Variants in MEI4 observed in about 807,000 individuals in gnomAD.
MEI4 encodes the protein meiotic double-stranded break formation protein 4, also known as meiosis-specific protein MEI4.
MEI4 carries 27 observed loss-of-function variants against 31.4 expected under a neutral mutation model. The observed-to-expected ratio is 0.86, with a 90% CI of 0.63 to 1.19. MEI4 has a LOEUF of 1.19. Ranked by LOEUF, MEI4 falls within the 50% of genes most tolerant of loss-of-function variation. The pLI is 0.00. For synonymous variants in MEI4, 122 were observed against 145.4 expected, an observed-to-expected ratio of 0.84 and a Z score of 1.16; for missense variants, 329 against 398.9, an observed-to-expected ratio of 0.82 and a Z score of 1.49.
At chr6:77,817,041 GTTGTTT>G (rs1769706089) in intron 3 of MEI4, among the ~76,000 whole-genome samples, 1 of 151,618 alleles carries the variant, frequency 6.6e-6, no homozygotes, top group South Asian at 2.1e-4. Flanking sequence ...GTGTGTGTGT[GTTGTTT>G]TTGTTTTTAC....
intron 2 of MEI4, among the ~76,000 whole-genome samples, chr6:77,698,176 A>G (rs1766106009): frequency 6.6e-6 from 1 of 152,014 alleles, no homozygotes; most frequent in Non-Finnish European, 1.5e-5. Context: ...ATGTGAGATG[A>G]GTTTCCTGAA....
chr6:77,889,424 A>T (rs1164199955), intron 4 of MEI4, among the ~76,000 whole-genome samples: 1 of 152,154 alleles, frequency 6.6e-6, no homozygotes, highest in African/African-American at 2.4e-5. Context: ...GACTGGCAGC[A>T]TTTTTCCCCT....
At chr6:77,773,574 C>T (rs562451775) in intron 3 of MEI4, among the ~76,000 whole-genome samples, 1 of 152,096 alleles carries the variant, frequency 6.6e-6, no homozygotes, top group African/African-American at 2.4e-5. Context: ...TATGAAGCAA[C>T]ATTGGGAAAA....
chr6:77,926,679 T>C lies in MEI4; in HGVS notation c.*3333T>C, dbSNP rs1010936085. On this transcript the variant is annotated 3_prime_UTR_variant, in exon 5 of 5. Coordinates refer to ENST00000684080, the MANE Select transcript of MEI4 (RefSeq NM_001322247.2). ...ACAGCTCTGCTTTATTGTAACCTAA[T>C]TTCATTTATTCATCAAATATGAAGC... 9 of 151,958 alleles carry C rather than the reference T, an allele frequency of 5.9e-5. No homozygotes were observed. Among genetic ancestry groups the C allele is most frequent in the African/African-American group, 2.2e-4 (9 of 41,420 alleles). 9.4% of individuals were successfully genotyped at this position (151,958 alleles called of 1,614,324 possible). A position where few individuals can be genotyped will look rare whatever the true frequency, so the allele number is the denominator to read the frequency against.
At chr6:77,870,982 A>G (rs1054361093) in intron 4 of MEI4, among the ~76,000 whole-genome samples, 7 of 152,194 alleles carry the variant, frequency 4.6e-5, no homozygotes, top group Admixed American at 3.3e-4. Context: ...TGTGAATTAT[A>G]TGTAAAGAAG....
At chr6:77,825,345 C>A (rs1376127839) in intron 3 of MEI4, among the ~76,000 whole-genome samples, 2 of 152,144 alleles carry the variant, frequency 1.3e-5, no homozygotes, top group African/African-American at 4.8e-5. Flanking sequence ...TAAATAGGCA[C>A]AATTTGCTCT....
At chr6:77,732,105 A>G (rs1767016822) in intron 2 of MEI4, among the ~76,000 whole-genome samples, 1 of 151,156 alleles carries the variant, frequency 6.6e-6, no homozygotes, top group South Asian at 2.1e-4. Flanking sequence ...TGACTTGGCG[A>G]TGCGGGCTCT....
In MEI4 at chr6:77,801,988, G is replaced by A. The variant is rs191725903; in HGVS notation, c.769-26943G>A. 3.1e-4 allele frequency among the ~76,000 whole-genome samples: 47 copies of A among 152,238 alleles called. No homozygotes were observed. The East Asian group carries it at 5.2e-3, about 17-fold the overall frequency. On this transcript the variant is annotated intron_variant, in intron 3 of 4. Coordinates refer to ENST00000684080, the MANE Select transcript of MEI4 (RefSeq NM_001322247.2). ...AGTTCTGTAGATGTGTATTAGGTCC[G>A]CTTGGTGAAGAGCTGAGTTCAGTTC... is the stretch of plus-strand genomic sequence containing the variant.
chr6:77,863,066 C>G (rs1298929348), intron 4 of MEI4, among the ~76,000 whole-genome samples: 1 of 148,846 alleles, frequency 6.7e-6, no homozygotes. Context: ...ACACCAAAAC[C>G]CCATCTGTAC....
chr6:77,714,109 C>T (rs771530710), intron 2 of MEI4, among the ~76,000 whole-genome samples: 8 of 151,872 alleles, frequency 5.3e-5, no homozygotes, highest in Non-Finnish European at 8.8e-5. Context: ...TGTATATGTA[C>T]CACATTTTCT....
intron 4 of MEI4, among the ~76,000 whole-genome samples, chr6:77,835,373 AACACACACACAC>A (rs149668655): frequency 7.2e-5 from 7 of 96,792 alleles, no homozygotes; most frequent in Non-Finnish European, 1.5e-4. Context: ...AACAAAACAA[AACACACACACAC>A]ACACACACAC....
intron 1 of MEI4, among the ~76,000 whole-genome samples, chr6:77,671,979 A>C (rs999161064): frequency 2.6e-5 from 4 of 152,168 alleles, no homozygotes; most frequent in African/African-American, 9.7e-5. Context: ...GCGTGTAGGG[A>C]GTGCCGAATT....
intron 1 of MEI4, among the ~76,000 whole-genome samples, chr6:77,684,353 T>G (rs1205713029): frequency 6.6e-6 from 1 of 152,200 alleles, no homozygotes; most frequent in Non-Finnish European, 1.5e-5. Flanking sequence ...GAATGCAGTT[T>G]CTGTCCCCTC....
intron 3 of MEI4, among the ~76,000 whole-genome samples, chr6:77,793,300 C>T (rs937235873): frequency 3.3e-5 from 5 of 152,198 alleles, no homozygotes; most frequent in African/African-American, 1.2e-4. Context: ...TCCAGCAAAG[C>T]TGTCCTTCAT....
At chr6:77,802,161 A>G (rs9350731) in intron 3 of MEI4, among the ~76,000 whole-genome samples, 45,170 of 151,984 alleles carry the variant, frequency 0.3, 6,837 homozygotes, top group East Asian at 0.48. Flanking sequence ...CTCCTGTATT[A>G]GGTGCATATA....
At chr6:77,893,402 C>T (rs1357245706) in intron 4 of MEI4, among the ~76,000 whole-genome samples, 4 of 152,188 alleles carry the variant, frequency 2.6e-5, no homozygotes, top group Non-Finnish European at 4.4e-5. Flanking sequence ...ATTTTCTAAA[C>T]AGAGATTTGC....
In MEI4 at chr6:77,761,544, T is replaced by C. The variant is rs1768046139; in HGVS notation, c.647T>C (p.Leu216Ser). The C allele has an allele frequency of 2.4e-6, 3 of 1,232,124 alleles. No individual in the cohort carries two copies. Among genetic ancestry groups the C allele is most frequent in the Non-Finnish European group, 2.0e-6 (2 of 987,916 alleles). 76.3% of individuals were successfully genotyped at this position (1,232,124 alleles called of 1,614,324 possible). A position where few individuals can be genotyped will look rare whatever the true frequency, so the allele number is the denominator to read the frequency against. Residue 216 changes from leucine to serine, a missense_variant, in exon 3 of 5, where the codon TTA (leucine) becomes TCA (serine). Coordinates refer to ENST00000684080, the MANE Select transcript of MEI4 (RefSeq NM_001322247.2). Reference sequence around the variant, plus strand: ...TTTTGGACAGAAGCTGTTGGTACTTTAGCTAGTCTGATCAGTGACTATAAC... The same window carrying C: ...TTTTGGACAGAAGCTGTTGGTACTTCAGCTAGTCTGATCAGTGACTATAAC... The part of the protein sequence containing the change: ...SRFWTEAVGT[L>S]ASLISDYNLS...
chr6:77,698,535 T>G (rs1437698214), intron 2 of MEI4, among the ~76,000 whole-genome samples: 2 of 152,196 alleles, frequency 1.3e-5, no homozygotes, highest in African/African-American at 2.4e-5. Flanking sequence ...GAAACTTAGT[T>G]TGGCTGGATG....
chr6:77,760,265 A>T (rs1221508510), intron 2 of MEI4, among the ~76,000 whole-genome samples: 1 of 152,116 alleles, frequency 6.6e-6, no homozygotes. Context: ...TGATATACAT[A>T]TACAGAGATA....
Sources: gnomAD v4.1 joint callset for allele counts (sites outside exome capture counted in the v4.1 genomes callset) on GRCh38, gnomAD v4.1.1 for gene constraint, MANE v1.5 for transcripts, NCBI Gene and HGNC (gene_info 2026-07-23, HGNC 2026-07-21) for gene names.